The following LAMA3 variants were observed in gnomAD, a reference collection of about 807,000 sequenced individuals.
LAMA3 encodes the protein laminin subunit alpha-3.
Under a neutral mutation model 402.0 loss-of-function variants are expected in LAMA3, and 281 were observed. That is an observed-to-expected ratio of 0.70 (90% confidence interval 0.63 to 0.77). The LOEUF (loss-of-function observed/expected upper bound fraction) is 0.77, where lower values mean the gene tolerates loss of function less well. LAMA3 is among the 30% of genes least tolerant of loss of function. LAMA3 has a pLI of 0.00. For missense variants in LAMA3, 3,840 were observed against 4,215.5 expected (o/e 0.91, Z 2.47); for synonymous variants, 1,431 against 1,558.4 (o/e 0.92, Z 1.93).
At chr18:23,752,028 T>C (rs2061761235) in intron 5 of LAMA3, among the ~76,000 whole-genome samples, 1 of 152,162 alleles carries the variant, frequency 6.6e-6, no homozygotes, top group African/African-American at 2.4e-5. Flanking sequence ...GCTTTTTATA[T>C]AGGTAACATC....
intron 11 of LAMA3, among the ~76,000 whole-genome samples, chr18:23,780,229 G>A (rs1489613873): frequency 6.6e-6 from 1 of 152,058 alleles, no homozygotes; most frequent in Non-Finnish European, 1.5e-5. Context: ...CTGCCTGGGA[G>A]CTCCCAGTCT....
intron 73 of LAMA3, 89 bp downstream of exon 73, chr18:23,951,866 T>C: frequency 9.9e-7 from 1 of 1,005,686 alleles, no homozygotes; most frequent in Non-Finnish European, 1.5e-6. Flanking sequence ...CCTCAGCCCC[T>C]CCATCCACAG....
intron 12 of LAMA3, among the ~76,000 whole-genome samples, chr18:23,799,917 G>A (rs2062837585): frequency 6.6e-6 from 1 of 152,186 alleles, no homozygotes; most frequent in African/African-American, 2.4e-5. Context: ...GGGGACATTA[G>A]CCTTTTTGTC....
Position 23,826,719 on chromosome 18 carries a change from C to T in LAMA3, c.2589C>T (p.Leu863=). The T allele has an allele frequency of 6.4e-7, 1 of 1,560,828 alleles. No homozygotes were observed. Among genetic ancestry groups the T allele is most frequent in the Non-Finnish European group, 8.7e-7 (1 of 1,150,756 alleles). The change falls in exon 22 of 75, where the codon CTC becomes CTT. Residue 863 remains leucine (L), a synonymous_variant. Coordinates refer to ENST00000313654, the MANE Select transcript of LAMA3 (RefSeq NM_198129.4). ...TTTTCTAGGATTACCTGGTGCTGCTCCCCAGGGACTACTATGAAGCCTCTG... is the reference window on the plus strand; with the variant it reads ...TTTTCTAGGATTACCTGGTGCTGCTTCCCAGGGACTACTATGAAGCCTCTG... ...EGVLLDYLVL[L]PRDYYEASVL...
Position 23,787,053 on chromosome 18 carries a change from G to A in LAMA3, c.1603+2896G>A, listed in dbSNP as rs2062558659. On this transcript the variant is annotated intron_variant, in intron 12 of 74. Coordinates refer to ENST00000313654, the MANE Select transcript of LAMA3 (RefSeq NM_198129.4). ...TCTCAGCACTTTGGGAGGCCAAGAG[G>A]GGTGGATCACTTGAAGTAAGGAGTT... 2.6e-5 allele frequency among the ~76,000 whole-genome samples: 4 copies of A among 152,168 alleles called. No homozygotes were observed. In the South Asian group the frequency reaches 8.3e-4, roughly 31 times the overall value.
At chr18:23,905,454 T>C (rs1045671895) in intron 51 of LAMA3, 68 bp from the exon 52 acceptor site, 2 of 897,684 alleles carry the variant, frequency 2.2e-6, no homozygotes, top group African/African-American at 3.3e-5. Context: ...CAGACTAGGA[T>C]AGAAATCTTA....
chr18:23,702,935 C>A lies in LAMA3; in HGVS notation c.295-10985C>A, dbSNP rs139244995. Reference sequence around the variant, plus strand: ...TAAAAGGGTCTGATGCTTGTGTCTACCTTGTAGATTTGTCATGGAAATTGA... The same window carrying A: ...TAAAAGGGTCTGATGCTTGTGTCTAACTTGTAGATTTGTCATGGAAATTGA... On this transcript the variant is annotated intron_variant, in intron 1 of 74. Transcript: ENST00000313654. 2.0e-5 allele frequency among the ~76,000 whole-genome samples: 3 copies of A among 152,168 alleles called. No individual in the cohort carries two copies. The East Asian group carries it at 5.8e-4, about 29-fold the overall frequency.
intron 69 of LAMA3, among the ~76,000 whole-genome samples, chr18:23,944,919 G>A (rs1357339171): frequency 6.6e-6 from 1 of 152,210 alleles, no homozygotes; most frequent in Non-Finnish European, 1.5e-5. Context: ...CTGATCACAA[G>A]GTCAGGAGTT....
chr18:23,911,640 T>G (rs868809169), intron 55 of LAMA3, among the ~76,000 whole-genome samples: 1 of 151,702 alleles, frequency 6.6e-6, no homozygotes, highest in Non-Finnish European at 1.5e-5. Context: ...AGAAGCGCTA[T>G]TTTAGAGAGC....
chr18:23,719,668 TC>T (rs1263659185), intron 2 of LAMA3, among the ~76,000 whole-genome samples: 7 of 150,714 alleles, frequency 4.6e-5, no homozygotes, highest in Non-Finnish European at 1.0e-4. Flanking sequence ...CATTCTAGAA[TC>T]TTTTTTTTTT....
intron 12 of LAMA3, among the ~76,000 whole-genome samples, chr18:23,805,504 C>A (rs970505215): frequency 6.6e-6 from 1 of 152,264 alleles, no homozygotes; most frequent in Middle Eastern, 3.4e-3. Flanking sequence ...GTCAGGGAAC[C>A]AATGTGAAGA....
intron 60 of LAMA3, among the ~76,000 whole-genome samples, chr18:23,919,376 A>G (rs34121518): frequency 0.039 from 5,934 of 152,352 alleles, 192 homozygotes; most frequent in Non-Finnish European, 0.057. Context: ...TGATTCAAGT[A>G]TATGTTTCAC....
chr18:23,919,694 G>T (rs2081762494), intron 60 of LAMA3, among the ~76,000 whole-genome samples: 1 of 152,174 alleles, frequency 6.6e-6, no homozygotes, highest in Non-Finnish European at 1.5e-5. Context: ...GGTGGGAAGG[G>T]CAGGGAGCAC....
chr18:23,708,173 C>T lies in LAMA3; in HGVS notation c.295-5747C>T, dbSNP rs368652242. 3.7e-4 allele frequency among the ~76,000 whole-genome samples: 56 copies of T among 152,266 alleles called. 1 individual carries two copies. The highest frequency in any genetic ancestry group is 1.3e-3 in the African/African-American group (55 of 41,550). ...CTTCCTTTCCCAGCGGTCTGACATA[C>T]CACCTATGTTATATACTAAAGCTTC... On this transcript the variant is annotated intron_variant, in intron 1 of 74. Coordinates refer to ENST00000313654, the MANE Select transcript of LAMA3 (RefSeq NM_198129.4).
chr18:23,710,789 T>G (rs2060976812), intron 1 of LAMA3, among the ~76,000 whole-genome samples: 1 of 152,160 alleles, frequency 6.6e-6, no homozygotes, highest in Non-Finnish European at 1.5e-5. Flanking sequence ...TAAGAGTAAC[T>G]TAAAGAAGCC....
In LAMA3 at chr18:23,916,610, CTCA is replaced by C; in HGVS notation, c.7839_7841del (p.Gln2614del). On this transcript the variant is annotated inframe_deletion, in exon 60 of 75. Transcript: ENST00000313654. ...GGTACGGGCTATGCTCGAGTTCCAA[CTCA>C]ACCACATGCTCCCATCCCAACCTTT... The C allele has an allele frequency of 6.2e-7, 1 of 1,614,114 alleles. No homozygotes were observed. The highest frequency in any genetic ancestry group is 8.5e-7 in the Non-Finnish European group (1 of 1,179,972).
intron 12 of LAMA3, among the ~76,000 whole-genome samples, chr18:23,808,351 A>G (rs1332902206): frequency 6.6e-6 from 1 of 152,082 alleles, no homozygotes; most frequent in Non-Finnish European, 1.5e-5. Context: ...TTACATTATT[A>G]TTTTATTTGT....
chr18:23,768,900 C>T lies in LAMA3; in HGVS notation c.1183-4597C>T, dbSNP rs764952945. On this transcript the variant is annotated intron_variant, in intron 8 of 74. Coordinates refer to ENST00000313654, the MANE Select transcript of LAMA3 (RefSeq NM_198129.4). ...ATTAATGCAAAACCGGAAAACCAAA[C>T]GCCACACGTTCTCACTTTCAAGTGG... is the stretch of plus-strand genomic sequence containing the variant. Among the ~76,000 whole-genome samples, 17 of 152,150 alleles carry T rather than the reference C, an allele frequency of 1.1e-4. 1 individual carries two copies. Among genetic ancestry groups the T allele is most frequent in the Admixed American group, 6.5e-4 (10 of 15,276 alleles).
chr18:23,927,346 T>A (rs1308706411), intron 62 of LAMA3, among the ~76,000 whole-genome samples: 1 of 152,078 alleles, frequency 6.6e-6, no homozygotes, highest in East Asian at 1.9e-4. Flanking sequence ...TTTTTGTATT[T>A]TTAGTAGAGT....
Sources: allele counts gnomAD v4.1 joint callset (sites outside exome capture counted in the v4.1 genomes callset), GRCh38; gene constraint gnomAD v4.1.1; transcripts MANE v1.5; gene names NCBI Gene and HGNC (gene_info 2026-07-23, HGNC 2026-07-21).